Variants in CTNNA3 observed in about 807,000 individuals in gnomAD.
CTNNA3 encodes the protein catenin alpha 3, also known as catenin alpha-3.
In CTNNA3, 76 loss-of-function variants were observed where a neutral mutation model predicts 95.7. The observed-to-expected ratio is 0.79, with a 90% CI of 0.66 to 0.96. The LOEUF (loss-of-function observed/expected upper bound fraction) is 0.96. Ranked by LOEUF, CTNNA3 falls within the 40% of genes least tolerant of loss-of-function variation. The probability of loss-of-function intolerance (pLI) is 0.00; values close to 1 mark genes in which losing one functional copy is unlikely to be tolerated. For synonymous variants in CTNNA3, 431 were observed against 374.4 expected (o/e 1.15, Z -1.74); for missense variants, 1,191 against 1,089.8 (o/e 1.09, Z -1.31).
chr10:66,651,498 C>T (rs551358964), intron 9 of CTNNA3, among the ~76,000 whole-genome samples: 5 of 152,012 alleles, frequency 3.3e-5, no homozygotes, highest in Admixed American at 6.5e-5. Context: ...TGGGACTGGG[C>T]GCCGCAGAGA....
intron 10 of CTNNA3, among the ~76,000 whole-genome samples, chr10:66,611,040 A>C (rs1157620805): frequency 2.0e-5 from 3 of 152,128 alleles, no homozygotes; most frequent in Non-Finnish European, 4.4e-5. Context: ...TGTTAAGTAA[A>C]ATAAGCTAGG....
chr10:65,950,098 A>G (rs1035648473), intron 17 of CTNNA3, among the ~76,000 whole-genome samples: 1 of 152,192 alleles, frequency 6.6e-6, no homozygotes, highest in Admixed American at 6.5e-5. Flanking sequence ...TGCTATTAAT[A>G]ACATTCAGAC....
At chr10:66,965,549 G>GGA (rs545719721) in intron 7 of CTNNA3, among the ~76,000 whole-genome samples, 1 of 120,240 alleles carries the variant, frequency 8.3e-6, no homozygotes, top group African/African-American at 3.4e-5. Flanking sequence ...AGAAAGAAAA[G>GGA]AAAAAAAAAA....
chr10:66,545,869 C>T (rs752822444), intron 10 of CTNNA3, among the ~76,000 whole-genome samples: 2 of 151,592 alleles, frequency 1.3e-5, no homozygotes, highest in African/African-American at 2.4e-5. Flanking sequence ...TGGTTAGCTT[C>T]TGTCTTTGTA....
At chr10:67,341,340 C>T (rs183282117) in intron 5 of CTNNA3, among the ~76,000 whole-genome samples, 64 of 152,194 alleles carry the variant, frequency 4.2e-4, no homozygotes, top group African/African-American at 1.4e-3. Context: ...GCGTCACCTC[C>T]CCACAACTAC....
At chr10:67,050,207 C>T (rs1854997827) in intron 7 of CTNNA3, among the ~76,000 whole-genome samples, 1 of 152,206 alleles carries the variant, frequency 6.6e-6, no homozygotes, top group Non-Finnish European at 1.5e-5. Context: ...ATCTGCAATG[C>T]AGATAAGAGG....
chr10:67,760,628 G>A (rs924325935), intron 1 of CTNNA3, among the ~76,000 whole-genome samples: 8 of 116,172 alleles, frequency 6.9e-5, no homozygotes, highest in Non-Finnish European at 1.7e-4. Context: ...CACAGCAGGA[G>A]GTGAGCGGGT....
chr10:66,357,967 G>T (rs2092624068), intron 12 of CTNNA3, among the ~76,000 whole-genome samples: 1 of 152,120 alleles, frequency 6.6e-6, no homozygotes, highest in South Asian at 2.1e-4. Context: ...TCTGTTCAAT[G>T]ACATTTAAAG....
At chr10:67,102,753 T>A (rs1858413080) in intron 7 of CTNNA3, among the ~76,000 whole-genome samples, 1 of 151,890 alleles carries the variant, frequency 6.6e-6, no homozygotes, top group Non-Finnish European at 1.5e-5. Context: ...TTTTTTAAAT[T>A]GATTTCCATA....
At chr10:66,446,148 C>T (rs1347784118) in intron 11 of CTNNA3, among the ~76,000 whole-genome samples, 2 of 152,150 alleles carry the variant, frequency 1.3e-5, no homozygotes, top group African/African-American at 4.8e-5. Flanking sequence ...TCTGAATAGA[C>T]TAATAACAGG....
intron 5 of CTNNA3, among the ~76,000 whole-genome samples, chr10:67,264,567 AG>A (rs1355253647): frequency 1.3e-5 from 2 of 152,176 alleles, no homozygotes; most frequent in Non-Finnish European, 2.9e-5. Flanking sequence ...AAAATTCATA[AG>A]AGCTACAAAA....
intron 1 of CTNNA3, among the ~76,000 whole-genome samples, chr10:67,704,822 C>T (rs1423614170): frequency 6.6e-6 from 1 of 152,166 alleles, no homozygotes; most frequent in African/African-American, 2.4e-5. Context: ...AAACAAACTA[C>T]CATCAGAGTG....
At chr10:66,120,268 G>A (rs1202940070) in intron 13 of CTNNA3, among the ~76,000 whole-genome samples, 1 of 152,036 alleles carries the variant, frequency 6.6e-6, no homozygotes, top group Admixed American at 6.6e-5. Flanking sequence ...TATCTTATAG[G>A]GTTGTTGTGA....
At chr10:67,442,214 A>G (rs1291057336) in intron 5 of CTNNA3, among the ~76,000 whole-genome samples, 1 of 152,184 alleles carries the variant, frequency 6.6e-6, no homozygotes, top group African/African-American at 2.4e-5. Flanking sequence ...AATTGAAAAA[A>G]CAGACAACAA....
chr10:67,097,423 T>C (rs888774344), intron 7 of CTNNA3, among the ~76,000 whole-genome samples: 3 of 151,800 alleles, frequency 2.0e-5, no homozygotes, highest in African/African-American at 7.3e-5. Flanking sequence ...GATCTCACCA[T>C]ATAGGAATAG....
intron 1 of CTNNA3, among the ~76,000 whole-genome samples, chr10:67,685,558 G>C (rs765255673): frequency 6.6e-6 from 1 of 152,200 alleles, no homozygotes; most frequent in Non-Finnish European, 1.5e-5. Flanking sequence ...AACTTGCTGT[G>C]TTAAGGATTT....
chr10:67,536,886 C>A (rs2133196623), intron 4 of CTNNA3, among the ~76,000 whole-genome samples: 1 of 152,124 alleles, frequency 6.6e-6, no homozygotes, highest in East Asian at 1.9e-4. Flanking sequence ...AATTCTAATC[C>A]TGATGATCTC....
intron 5 of CTNNA3, among the ~76,000 whole-genome samples, chr10:67,385,083 C>G (rs918090492): frequency 5.9e-5 from 9 of 151,794 alleles, no homozygotes; most frequent in Non-Finnish European, 2.9e-5. Flanking sequence ...AAAAAAGGGC[C>G]TATTTTGATA....
At chr10:66,277,546 T>C (rs1377297294) in intron 13 of CTNNA3, among the ~76,000 whole-genome samples, 2 of 152,152 alleles carry the variant, frequency 1.3e-5, no homozygotes, top group African/African-American at 4.8e-5. Context: ...GGGACAGTCT[T>C]TAAGAAAAAA....
Sources: allele counts gnomAD v4.1 joint callset (sites outside exome capture counted in the v4.1 genomes callset), GRCh38; gene constraint gnomAD v4.1.1; transcripts MANE v1.5; gene names NCBI Gene and HGNC (gene_info 2026-07-23, HGNC 2026-07-21).